The following CNTN3 variants were observed in gnomAD, a reference collection of about 807,000 sequenced individuals.
CNTN3 encodes the protein contactin 3.
A neutral mutation model predicts 119.1 loss-of-function variants in CNTN3; 60 were observed. That is an observed-to-expected ratio of 0.50 (90% confidence interval 0.41 to 0.62). The LOEUF is 0.62. Among genes scored for constraint, CNTN3 ranks in the 20% least tolerant of loss-of-function variants. CNTN3 has a pLI of 0.00. For synonymous variants in CNTN3, 450 were observed against 438.7 expected (o/e 1.03, Z -0.32); for missense variants, 1,101 against 1,242.4 (o/e 0.89, Z 1.71).
At chr3:74,426,543 C>T (rs759911143) in intron 4 of CNTN3, among the ~76,000 whole-genome samples, 12 of 152,064 alleles carry the variant, frequency 7.9e-5, no homozygotes, top group Non-Finnish European at 1.8e-4. Flanking sequence ...ATGTGCCTCA[C>T]GTTATTGTTA....
intron 3 of CNTN3, 42 bp from the exon 4 acceptor site, chr3:74,486,673 A>C (rs774323406): frequency 6.2e-6 from 9 of 1,444,208 alleles, no homozygotes; most frequent in Non-Finnish European, 8.2e-6. Flanking sequence ...TAGTATTTTT[A>C]ACTTAAAAGA....
At chr3:74,605,989 A>G (rs1704984712) in intron 1 of CNTN3, among the ~76,000 whole-genome samples, 1 of 152,080 alleles carries the variant, frequency 6.6e-6, no homozygotes, top group Admixed American at 6.6e-5. Context: ...TTTTCTCTAA[A>G]TAGCAAACTT....
chr3:74,274,007 G>A (rs1450166542), intron 20 of CNTN3, among the ~76,000 whole-genome samples: 1 of 152,024 alleles, frequency 6.6e-6, no homozygotes, highest in Non-Finnish European at 1.5e-5. Flanking sequence ...TGGATTGCGT[G>A]GGAGCTGAGT....
chr3:74,598,695 T>C (rs1245564029), intron 1 of CNTN3, among the ~76,000 whole-genome samples: 1 of 152,056 alleles, frequency 6.6e-6, no homozygotes, highest in Admixed American at 6.6e-5. Flanking sequence ...AAATACTTCC[T>C]GAGACATCTA....
At chr3:74,382,768 A>G (rs1176720380) in intron 5 of CNTN3, among the ~76,000 whole-genome samples, 1 of 152,206 alleles carries the variant, frequency 6.6e-6, no homozygotes, top group East Asian at 1.9e-4. Flanking sequence ...CCATTCACCA[A>G]TTGATGGACA....
chr3:74,517,752 C>T (rs560723798), intron 2 of CNTN3, among the ~76,000 whole-genome samples: 13 of 151,960 alleles, frequency 8.6e-5, no homozygotes, highest in African/African-American at 2.6e-4. Context: ...TCCCACTTCA[C>T]CCTAGGTTCC....
chr3:74,562,062 G>A (rs1559658992), intron 1 of CNTN3, among the ~76,000 whole-genome samples: 1 of 152,280 alleles, frequency 6.6e-6, no homozygotes, highest in South Asian at 2.1e-4. Flanking sequence ...ATCTGAGACA[G>A]TAATTCACTT....
chr3:74,611,203 A>G (rs1705076557), intron 1 of CNTN3, among the ~76,000 whole-genome samples: 1 of 152,234 alleles, frequency 6.6e-6, no homozygotes, highest in Non-Finnish European at 1.5e-5. Flanking sequence ...ATCCTACTTA[A>G]GAAAATAGTC....
intron 19 of CNTN3, among the ~76,000 whole-genome samples, chr3:74,291,846 C>T (rs1393301374): frequency 6.6e-6 from 1 of 152,088 alleles, no homozygotes; most frequent in African/African-American, 2.4e-5. Context: ...CAGCTGGGGG[C>T]CATGTTTGGT....
Position 74,497,640 on chromosome 3 carries a change from G to A in CNTN3, c.182+2019C>T, listed in dbSNP as rs1703088450. Among the ~76,000 whole-genome samples the A allele has an allele frequency of 2.7e-5, 4 of 149,678 alleles. No individual in the cohort carries two copies. The South Asian group carries it at 8.4e-4, about 32-fold the overall frequency. ...ATAAGGAAAGTATCTGCTCTATTTG[G>A]CTACAAACCAAAAATCATCAAACAA... On this transcript the variant is annotated intron_variant, in intron 3 of 22. Transcript: ENST00000263665.
intron 19 of CNTN3, among the ~76,000 whole-genome samples, chr3:74,291,782 C>T (rs956366765): frequency 6.6e-6 from 1 of 152,118 alleles, no homozygotes; most frequent in African/African-American, 2.4e-5. Context: ...GCTCCCTTCC[C>T]AAAGCCCCCA....
intron 3 of CNTN3, among the ~76,000 whole-genome samples, chr3:74,491,697 G>A (rs1310011247): frequency 6.6e-6 from 1 of 151,988 alleles, no homozygotes; most frequent in Non-Finnish European, 1.5e-5. Flanking sequence ...CAGGTAAATG[G>A]CACACTCAGG....
At chr3:74,458,208 G>A (rs1702303605) in intron 4 of CNTN3, among the ~76,000 whole-genome samples, 1 of 152,032 alleles carries the variant, frequency 6.6e-6, no homozygotes, top group East Asian at 1.9e-4. Flanking sequence ...GAAATATCTG[G>A]AATTACCAAT....
intron 5 of CNTN3, among the ~76,000 whole-genome samples, chr3:74,372,244 A>C (rs1010631065): frequency 6.6e-6 from 1 of 152,146 alleles, no homozygotes; most frequent in African/African-American, 2.4e-5. Flanking sequence ...ACTCAAAGGC[A>C]CTTAGTAGGG....
rs1382444208 is a variant in CNTN3 at position 74,348,574 on chromosome 3, C to T, written c.1365-11916G>A. ...TGATAGCATAGGAAGCCTACACTCA[C>T]CCATGCGGAGAGACCATAAGCAGAG... is the stretch of plus-strand genomic sequence containing the variant. On this transcript the variant is annotated intron_variant, in intron 11 of 22. Transcript: ENST00000263665. Among the ~76,000 whole-genome samples the T allele has an allele frequency of 2.0e-5, 3 of 152,054 alleles. No homozygotes were observed. In the East Asian group the frequency reaches 5.8e-4, roughly 29 times the overall value.
chr3:74,487,277 G>GT (rs1702876610), intron 3 of CNTN3, among the ~76,000 whole-genome samples: 1 of 152,116 alleles, frequency 6.6e-6, no homozygotes, highest in Non-Finnish European at 1.5e-5. Flanking sequence ...AGAGAAGCTG[G>GT]TTTTTAAATA....
intron 11 of CNTN3, among the ~76,000 whole-genome samples, chr3:74,354,563 A>G (rs1703890211): frequency 6.6e-6 from 1 of 152,072 alleles, no homozygotes; most frequent in Non-Finnish European, 1.5e-5. Flanking sequence ...AATGAATGAA[A>G]TAGCACAAAA....
chr3:74,604,169 A>T (rs1300179414), intron 1 of CNTN3, among the ~76,000 whole-genome samples: 1 of 152,210 alleles, frequency 6.6e-6, no homozygotes, highest in Non-Finnish European at 1.5e-5. Flanking sequence ...ACTCAAAATG[A>T]ATTAAAGGCT....
In CNTN3 at chr3:74,266,523, C is replaced by A. The variant is rs554007195; in HGVS notation, c.2944G>T (p.Asp982Tyr). 3 of 1,613,582 alleles carry A rather than the reference C, an allele frequency of 1.9e-6. No homozygotes were observed. Among genetic ancestry groups the A allele is most frequent in the South Asian group, 2.2e-5 (2 of 91,066 alleles). Residue 982 changes from aspartate to tyrosine, a missense_variant, in exon 22 of 23, where the codon GAT becomes TAT. By Grantham distance (160) the Asp-to-Tyr change is radical. Transcript: ENST00000263665. ...IEVKATTDGGDGTSSEQIRIP... is the reference protein window; with the variant it reads ...IEVKATTDGGYGTSSEQIRIP... ...CTGATCTGTTCACTACTGGTCCCAT[C>A]CCCTCCATCTGTTGTGGCCTTGACT... is the stretch of plus-strand genomic sequence containing the variant.
Sources: gnomAD v4.1 joint callset for allele counts (sites outside exome capture counted in the v4.1 genomes callset) on GRCh38, gnomAD v4.1.1 for gene constraint, MANE v1.5 for transcripts, NCBI Gene and HGNC (gene_info 2026-07-23, HGNC 2026-07-21) for gene names.